NR3C2: variants seen among roughly 807,000 people sequenced by gnomAD.
NR3C2 encodes the protein nuclear receptor subfamily 3 group C member 2.
A neutral mutation model predicts 86.4 loss-of-function variants in NR3C2; 15 were observed. That is an observed-to-expected ratio of 0.17 (90% confidence interval 0.12 to 0.27). The LOEUF (loss-of-function observed/expected upper bound fraction) is 0.27. Among genes scored for constraint, NR3C2 ranks in the 10% least tolerant of loss-of-function variants. The probability of loss-of-function intolerance (pLI) is 1.00; values close to 1 mark genes in which losing one functional copy is unlikely to be tolerated. For synonymous variants in NR3C2, 458 were observed against 450.5 expected, an observed-to-expected ratio of 1.02 and a Z score of -0.21; for missense variants, 960 against 1,195.6, an observed-to-expected ratio of 0.80 and a Z score of 2.91.
intron 4 of NR3C2, among the ~76,000 whole-genome samples, chr4:148,171,321 T>C (rs1357156719): frequency 6.6e-6 from 1 of 152,218 alleles, no homozygotes; most frequent in East Asian, 1.9e-4. Context: ...AATTTCCAGG[T>C]ATGAGCTCTA....
At chr4:148,354,188 T>C (rs77172106) in intron 2 of NR3C2, among the ~76,000 whole-genome samples, 3,091 of 152,208 alleles carry the variant, frequency 0.02, 99 homozygotes, top group African/African-American at 0.071. Flanking sequence ...GATGAAGACC[T>C]TTTTTGATGA....
chr4:148,431,365 T>G (rs1749793914), intron 2 of NR3C2, among the ~76,000 whole-genome samples: 1 of 152,200 alleles, frequency 6.6e-6, no homozygotes. Context: ...ATACTCTATT[T>G]TGATTCTTCA....
intron 2 of NR3C2, among the ~76,000 whole-genome samples, chr4:148,349,262 T>C: frequency 6.6e-6 from 1 of 152,092 alleles, no homozygotes; most frequent in East Asian, 1.9e-4. Context: ...AGTCTTCACA[T>C]TTCTGGTATT....
rs143024073 is a variant in NR3C2 at position 148,375,222 on chromosome 4, G to A, written c.1757+59882C>T. ...TGTATCCTCACCACTTTGGGAGGCC[G>A]AGGTTGGCGTATCACTTGAGGTCGG... On this transcript the variant is annotated intron_variant, in intron 2 of 8. Transcript: ENST00000358102. Among the ~76,000 whole-genome samples, 257 of 152,230 alleles carry A rather than the reference G, an allele frequency of 1.7e-3. 1 individual carries two copies. The highest frequency in any genetic ancestry group is 5.8e-3 in the African/African-American group (239 of 41,550).
At chr4:148,194,449 T>C (rs1363006450) in intron 4 of NR3C2, among the ~76,000 whole-genome samples, 1 of 152,192 alleles carries the variant, frequency 6.6e-6, no homozygotes, top group Non-Finnish European at 1.5e-5. Context: ...TAGCTATGGG[T>C]TTATATAAAA....
intron 2 of NR3C2, among the ~76,000 whole-genome samples, chr4:148,291,492 TCTTA>T (rs569024396): frequency 3.3e-5 from 5 of 152,218 alleles, no homozygotes; most frequent in South Asian, 4.1e-4. Context: ...TATCTTTTCC[TCTTA>T]CTATCAGTAT....
At chr4:148,444,612 G>A, upstream of NR3C2, 1 of 987,952 alleles carries the variant, frequency 1.0e-6, no homozygotes, top group Non-Finnish European at 1.2e-6. Context: ...CCACCAGCAA[G>A]TCCAATATTG....
intron 2 of NR3C2, among the ~76,000 whole-genome samples, chr4:148,378,837 A>T (rs1310277863): frequency 6.6e-6 from 1 of 152,208 alleles, no homozygotes; most frequent in Non-Finnish European, 1.5e-5. Flanking sequence ...ACACTAGAGA[A>T]ATTTTTTATC....
intron 6 of NR3C2, among the ~76,000 whole-genome samples, chr4:148,141,901 T>C (rs1347540289): frequency 1.3e-5 from 2 of 152,126 alleles, no homozygotes; most frequent in Non-Finnish European, 2.9e-5. Context: ...TGTGGAAAAT[T>C]GTCTTCCACA....
chr4:148,331,223 G>T (rs1398356553), intron 2 of NR3C2, among the ~76,000 whole-genome samples: 1 of 152,190 alleles, frequency 6.6e-6, no homozygotes, highest in Admixed American at 6.5e-5. Context: ...AGTAGTAAAA[G>T]TTATACCTAG....
chr4:148,218,497 G>GT (rs1235906300), intron 3 of NR3C2, among the ~76,000 whole-genome samples: 14 of 152,062 alleles, frequency 9.2e-5, no homozygotes, highest in African/African-American at 3.4e-4. Flanking sequence ...TAACATTTTG[G>GT]TGTACTTCCT....
chr4:148,300,013 T>G (rs1024182585), intron 2 of NR3C2, among the ~76,000 whole-genome samples: 3 of 152,310 alleles, frequency 2.0e-5, no homozygotes, highest in African/African-American at 2.4e-5. Context: ...GCTTTCCATG[T>G]TTTACTGTAT....
rs909480973 is a variant in NR3C2 at position 148,267,269 on chromosome 4, A to T, written c.1758-7152T>A. On this transcript the variant is annotated intron_variant, in intron 2 of 8. Coordinates refer to ENST00000358102, the MANE Select transcript of NR3C2 (RefSeq NM_000901.5). ...TTAATTAGTATTTACCATTCCATCT[A>T]TAATTCTTTTTTTTTAATTTTTTTT... Among the ~76,000 whole-genome samples the T allele has an allele frequency of 2.0e-5, 3 of 148,568 alleles. No individual in the cohort carries two copies. The Admixed American group carries it at 2.1e-4, about 10-fold the overall frequency.
rs766990689 is a variant in NR3C2 at position 148,431,986 on chromosome 4, ATTAT to A, written c.1757+3114_1757+3117del. On this transcript the variant is annotated intron_variant, in intron 2 of 8. Coordinates refer to ENST00000358102, the MANE Select transcript of NR3C2 (RefSeq NM_000901.5). ...TATTGGAAATTAAAACTAAAATTAA[ATTAT>A]TTAAGTTAAAAATTAAAACTAATAT... Among the ~76,000 whole-genome samples the A allele has an allele frequency of 5.3e-5, 8 of 152,250 alleles. No homozygotes were observed. The East Asian group carries it at 1.2e-3, about 22-fold the overall frequency.
At chr4:148,148,405 A>G (rs1414069235) in intron 6 of NR3C2, among the ~76,000 whole-genome samples, 1 of 152,184 alleles carries the variant, frequency 6.6e-6, no homozygotes, top group Non-Finnish European at 1.5e-5. Context: ...TCCATTCTGC[A>G]TTTGGAGGGA....
At chr4:148,094,174 A>G (rs756439893) in intron 8 of NR3C2, among the ~76,000 whole-genome samples, 2 of 152,238 alleles carry the variant, frequency 1.3e-5, no homozygotes, top group Non-Finnish European at 2.9e-5. Flanking sequence ...TAGGATGGCT[A>G]TTATCAAAAA....
In NR3C2 at chr4:148,194,706, C is replaced by T. The variant is rs61757485; in HGVS notation, c.2014+40G>A. 9.6e-4 allele frequency: 1,274 copies of T among 1,322,844 alleles called. 2 individuals are homozygous for T. Among genetic ancestry groups the T allele is most frequent in the Non-Finnish European group, 1.3e-3 (1,206 of 925,664 alleles). 81.9% of individuals were successfully genotyped at this position (1,322,844 alleles called of 1,614,324 possible). On this transcript the variant is annotated intron_variant, in intron 4 of 8. Transcript: ENST00000358102. ...ACAGATCTTAGTGCTGTTGCATTAC[C>T]TATTAACAATTTTTATTAAACTAAA...
At chr4:148,134,639 C>CTTTTTTTTTTTTTTTTTT in intron 6 of NR3C2, among the ~76,000 whole-genome samples, 1 of 58,056 alleles carries the variant, frequency 1.7e-5, no homozygotes, top group Non-Finnish European at 3.7e-5. Context: ...CTCTCTCTCT[C>CTTTTTTTTTTTTTTTTTT]TCTCTTTTTT....
chr4:148,320,322 T>C (rs1226585700), intron 2 of NR3C2, among the ~76,000 whole-genome samples: 1 of 96,356 alleles, frequency 1.0e-5, no homozygotes, highest in Non-Finnish European at 2.0e-5. Context: ...ATCAAGGATA[T>C]TGGTCTAAAA....
Sources: allele counts gnomAD v4.1 joint callset (sites outside exome capture counted in the v4.1 genomes callset), GRCh38; gene constraint gnomAD v4.1.1; transcripts MANE v1.5; gene names NCBI Gene and HGNC (gene_info 2026-07-23, HGNC 2026-07-21).